Variants in RBPJ observed in about 807,000 individuals in gnomAD.
RBPJ encodes recombining binding protein suppressor of hairless.
RBPJ carries 9 observed loss-of-function variants against 67.8 expected under a neutral mutation model. The observed-to-expected ratio is 0.13, with a 90% CI of 0.08 to 0.23. The LOEUF is 0.23. RBPJ is among the 10% of genes least tolerant of loss of function. The probability of loss-of-function intolerance (pLI) is 1.00; values close to 1 mark genes in which losing one functional copy is unlikely to be tolerated. For synonymous variants in RBPJ, 198 were observed against 203.3 expected (o/e 0.97, Z 0.22); for missense variants, 305 against 595.6 (o/e 0.51, Z 5.08).
rs1005847241 is a variant in RBPJ at position 26,363,396 on chromosome 4, C to T, written c.21-22957C>T. Among the ~76,000 whole-genome samples the T allele has an allele frequency of 2.6e-5, 4 of 152,044 alleles. 1 individual carries two copies. The highest frequency in any genetic ancestry group is 3.4e-3 in the Middle Eastern group (1 of 292). ...CTCGTGATCCACCTGCTTCGGCCTC[C>T]GAAAGTGCTGGGACTACAGGCGTGA... On this transcript the variant is annotated intron_variant, in intron 1 of 10. Coordinates refer to ENST00000355476, the MANE Select transcript of RBPJ (RefSeq NM_015874.6).
intron 1 of RBPJ, among the ~76,000 whole-genome samples, chr4:26,194,301 A>G (rs1717674572): frequency 6.6e-6 from 1 of 152,228 alleles, no homozygotes; most frequent in Non-Finnish European, 1.5e-5. Context: ...GCCCCGGGTA[A>G]GAAACACTCC....
At chr4:26,161,044 C>T (rs1049058766), upstream of RBPJ, among the ~76,000 whole-genome samples, 1 of 152,226 alleles carries the variant, frequency 6.6e-6, no homozygotes, top group Non-Finnish European at 1.5e-5. Context: ...GGTTATTTCT[C>T]CAGCCATTAA....
At chr4:26,250,736 G>A (rs978689400) in intron 1 of RBPJ, among the ~76,000 whole-genome samples, 2 of 152,166 alleles carry the variant, frequency 1.3e-5, no homozygotes, top group Admixed American at 6.5e-5. Context: ...TTGGGTTATT[G>A]TAAATAATAA....
intron 1 of RBPJ, among the ~76,000 whole-genome samples, chr4:26,340,728 G>C (rs946476527): frequency 1.4e-4 from 22 of 151,862 alleles, no homozygotes; most frequent in African/African-American, 5.3e-4. Flanking sequence ...GCGTGGTGGC[G>C]GGCACCTGTA....
chr4:26,353,013 A>G (rs1236901058), intron 1 of RBPJ, among the ~76,000 whole-genome samples: 1 of 152,214 alleles, frequency 6.6e-6, no homozygotes, highest in Non-Finnish European at 1.5e-5. Context: ...TAAAAAATCC[A>G]GTGGAAAGGA....
upstream of RBPJ, among the ~76,000 whole-genome samples, chr4:26,318,709 C>A (rs1391058274): frequency 6.6e-6 from 1 of 152,060 alleles, no homozygotes; most frequent in South Asian, 2.1e-4. Context: ...AAGAAAACAA[C>A]CAATTGCTGC....
At chr4:26,187,293 T>C (rs1221442729) in intron 1 of RBPJ, among the ~76,000 whole-genome samples, 2 of 152,236 alleles carry the variant, frequency 1.3e-5, no homozygotes, top group East Asian at 3.8e-4. Flanking sequence ...TACATTATTC[T>C]TGTATCTCTT....
At chr4:26,216,946 C>G (rs560964373) in intron 1 of RBPJ, among the ~76,000 whole-genome samples, 87 of 152,126 alleles carry the variant, frequency 5.7e-4, no homozygotes, top group Non-Finnish European at 8.5e-4. Context: ...CAAGGAGGAT[C>G]ATGACCAGGT....
At chr4:26,135,831 C>T in the RBPJ span, among the ~76,000 whole-genome samples, 3 of 152,174 alleles carry the variant, frequency 2.0e-5, no homozygotes, top group Non-Finnish European at 2.9e-5. Context: ...GTCAACCCCA[C>T]ATGTGGTGGG....
chr4:26,338,124 T>C (rs1391445821), intron 1 of RBPJ, among the ~76,000 whole-genome samples: 1 of 150,254 alleles, frequency 6.7e-6, no homozygotes, highest in Non-Finnish European at 1.5e-5. Context: ...CACCCTAACA[T>C]TATGGAAACA....
rs190108351 is a variant in RBPJ, at chr4:26,430,177, A to G, written c.1044+124A>G. The G allele has an allele frequency of 7.0e-6, 8 of 1,150,248 alleles. No homozygotes were observed. The Admixed American group carries it at 9.3e-5, about 13-fold the overall frequency. The allele number at this position is 1,150,248 out of a possible 1,614,324, so 71.3% of individuals were successfully genotyped here. On this transcript the variant is annotated intron_variant, in intron 9 of 10. Coordinates refer to ENST00000355476, the MANE Select transcript of RBPJ (RefSeq NM_015874.6). The surrounding 1 kb of genome is among the most constrained non-coding windows in gnomAD (Gnocchi z 4.1). ...AATCGTCTGATTAGGGGATTTTTAT[A>G]TACACCATTTGTTGATTTAAAGAAA...
At chr4:26,190,345 A>G (rs887199424) in intron 1 of RBPJ, among the ~76,000 whole-genome samples, 4 of 152,226 alleles carry the variant, frequency 2.6e-5, no homozygotes, top group African/African-American at 7.2e-5. Context: ...TATGGGAAAC[A>G]TAAGAGGGGG....
At chr4:26,283,054 C>G (rs1262666852) in intron 1 of RBPJ, among the ~76,000 whole-genome samples, 1 of 148,846 alleles carries the variant, frequency 6.7e-6, no homozygotes, top group African/African-American at 2.5e-5. Context: ...CCTCAGCCTC[C>G]CAAGTAGCTG....
At chr4:26,118,332 T>A in the RBPJ span, among the ~76,000 whole-genome samples, 26 of 152,222 alleles carry the variant, frequency 1.7e-4, no homozygotes, top group African/African-American at 6.0e-4. Flanking sequence ...ATCTCTTTGG[T>A]TAAAAGAAAA....
chr4:26,412,114 C>CAA (rs146632582), intron 3 of RBPJ, among the ~76,000 whole-genome samples: 1 of 112,400 alleles, frequency 8.9e-6, no homozygotes. Context: ...GACTCCGTCT[C>CAA]AAAAAAAAAA....
At chr4:26,279,493 G>T (rs1469954514) in intron 1 of RBPJ, among the ~76,000 whole-genome samples, 3 of 152,018 alleles carry the variant, frequency 2.0e-5, no homozygotes, top group African/African-American at 7.2e-5. Flanking sequence ...GGCCACGATG[G>T]TCTCAATCTC....
At chr4:26,180,103 A>G (rs890273888) in intron 1 of RBPJ, among the ~76,000 whole-genome samples, 2 of 152,168 alleles carry the variant, frequency 1.3e-5, no homozygotes, top group East Asian at 3.9e-4. Flanking sequence ...GTTCTGACTT[A>G]TAAGTGGGAG....
At chr4:26,396,230 C>T (rs546006637) in intron 2 of RBPJ, among the ~76,000 whole-genome samples, 1 of 152,166 alleles carries the variant, frequency 6.6e-6, no homozygotes, top group Non-Finnish European at 1.5e-5. Context: ...AATAGTAATA[C>T]ATGAACTTTG....
At chr4:26,337,400 T>G (rs1724964074) in intron 1 of RBPJ, among the ~76,000 whole-genome samples, 2 of 152,194 alleles carry the variant, frequency 1.3e-5, no homozygotes, top group African/African-American at 4.8e-5. Flanking sequence ...ATAAATTGAA[T>G]TATACCAATT....
Sources: gnomAD v4.1 joint callset for allele counts (sites outside exome capture counted in the v4.1 genomes callset) on GRCh38, gnomAD v4.1.1 for gene constraint, Gnocchi (gnomAD v3.1) non-coding constraint, MANE v1.5 for transcripts, NCBI Gene and HGNC (gene_info 2026-07-23, HGNC 2026-07-21) for gene names.